Variants in PHF21B observed in about 807,000 individuals in gnomAD.
PHF21B encodes PHD finger protein 4.
PHF21B carries 22 observed loss-of-function variants against 62.2 expected under a neutral mutation model. The observed-to-expected ratio is 0.35, with a 90% CI of 0.25 to 0.51. The LOEUF is 0.51. Among genes scored for constraint, PHF21B ranks in the 20% least tolerant of loss-of-function variants. The pLI is 0.97. For missense variants in PHF21B, 701 were observed against 707.9 expected, an observed-to-expected ratio of 0.99 and a Z score of 0.11; for synonymous variants, 341 against 314.7, an observed-to-expected ratio of 1.08 and a Z score of -0.88.
intron 2 of PHF21B, among the ~76,000 whole-genome samples, chr22:44,951,028 C>T (rs1373291465): frequency 1.3e-5 from 2 of 152,146 alleles, no homozygotes; most frequent in African/African-American, 4.8e-5. Context: ...AAGCCTGCCG[C>T]CAGACGCAGC....
intron 2 of PHF21B, among the ~76,000 whole-genome samples, chr22:44,982,451 A>C (rs1293979405): frequency 6.6e-6 from 1 of 152,176 alleles, no homozygotes; most frequent in African/African-American, 2.4e-5. Context: ...TCGGAAAGTC[A>C]TCCGATTACC....
At chr22:44,928,055 G>A (rs2071667522) in intron 2 of PHF21B, among the ~76,000 whole-genome samples, 1 of 152,118 alleles carries the variant, frequency 6.6e-6, no homozygotes, top group African/African-American at 2.4e-5. Flanking sequence ...AACCTTCCAG[G>A]GCAAAAGCCA....
chr22:44,971,492 A>C (rs534549205), intron 2 of PHF21B: 1 of 151,876 alleles, frequency 6.6e-6, no homozygotes, highest in African/African-American at 2.4e-5. Flanking sequence ...CCACTCTTGG[A>C]CTTTGGGTGA....
At chr22:44,992,485 G>A (rs1163525627) in intron 2 of PHF21B, among the ~76,000 whole-genome samples, 1 of 152,268 alleles carries the variant, frequency 6.6e-6, no homozygotes, top group Non-Finnish European at 1.5e-5. Flanking sequence ...AAGCACAGCA[G>A]GTGACTGTCA....
chr22:44,947,401 G>A (rs1274389468), intron 2 of PHF21B, among the ~76,000 whole-genome samples: 2 of 152,228 alleles, frequency 1.3e-5, no homozygotes, highest in African/African-American at 2.4e-5. Flanking sequence ...TGCTAACTTA[G>A]GAAGTGCCCG....
chr22:44,975,919 G>A (rs538574511), intron 2 of PHF21B, among the ~76,000 whole-genome samples: 1 of 152,348 alleles, frequency 6.6e-6, no homozygotes, highest in East Asian at 1.9e-4. Flanking sequence ...GTAATTCCCA[G>A]CATTTTGGGA....
chr22:44,894,783 G>A (rs2071027602), intron 6 of PHF21B, among the ~76,000 whole-genome samples: 1 of 152,174 alleles, frequency 6.6e-6, no homozygotes. Flanking sequence ...GTCAGACCCA[G>A]GGGACATAAA....
chr22:44,968,251 C>G (rs1359713481), intron 2 of PHF21B, among the ~76,000 whole-genome samples: 2 of 152,136 alleles, frequency 1.3e-5, no homozygotes, highest in African/African-American at 4.8e-5. Context: ...CGTCTTTATT[C>G]ATTTATTGAA....
intron 2 of PHF21B, among the ~76,000 whole-genome samples, chr22:44,924,281 A>C (rs985850705): frequency 6.6e-6 from 1 of 152,240 alleles, no homozygotes; most frequent in Non-Finnish European, 1.5e-5. Flanking sequence ...GACCAAATCA[A>C]GTGCTGGTGA....
rs114685207 is a variant in PHF21B at position 44,979,753 on chromosome 22, G to A, written c.120+28792C>T. On this transcript the variant is annotated intron_variant, in intron 2 of 12. Coordinates refer to ENST00000313237, the MANE Select transcript of PHF21B (RefSeq NM_138415.5). Reference sequence around the variant, plus strand: ...TTCAAAATGTCTTGTTGTCTTGCTTGTTTTTGTTCATTGAGGTAAAACCAT... The same window carrying A: ...TTCAAAATGTCTTGTTGTCTTGCTTATTTTTGTTCATTGAGGTAAAACCAT... Among the ~76,000 whole-genome samples the A allele has an allele frequency of 9.7e-3, 1,478 of 152,276 alleles. 20 individuals carry two copies. The highest frequency in any genetic ancestry group is 0.034 in the African/African-American group (1,411 of 41,562).
intron 5 of PHF21B, among the ~76,000 whole-genome samples, chr22:44,898,337 CCTT>C (rs2071095769): frequency 1.3e-5 from 2 of 152,108 alleles, no homozygotes; most frequent in South Asian, 4.2e-4. Flanking sequence ...AGGTAACACA[CCTT>C]CTCATCACAT....
At chr22:44,899,613 C>T (rs1332808042) in intron 5 of PHF21B, among the ~76,000 whole-genome samples, 1 of 152,000 alleles carries the variant, frequency 6.6e-6, no homozygotes, top group African/African-American at 2.4e-5. Context: ...TCTCCTTCTC[C>T]TCTTTTCTTC....
intron 2 of PHF21B, among the ~76,000 whole-genome samples, chr22:44,984,424 C>T (rs920557284): frequency 6.6e-6 from 1 of 152,050 alleles, no homozygotes; most frequent in Non-Finnish European, 1.5e-5. Flanking sequence ...CAGGGGATCC[C>T]GAATCTTGTG....
At chr22:44,970,125 C>T (rs957703172) in intron 2 of PHF21B, among the ~76,000 whole-genome samples, 1 of 152,240 alleles carries the variant, frequency 6.6e-6, no homozygotes, top group South Asian at 2.1e-4. Flanking sequence ...GGCCACAGAG[C>T]TGGCTTATCG....
At chr22:44,974,887 T>C (rs2072708382) in intron 2 of PHF21B, among the ~76,000 whole-genome samples, 2 of 152,236 alleles carry the variant, frequency 1.3e-5, no homozygotes, top group African/African-American at 4.8e-5. Flanking sequence ...ATCATATTAA[T>C]ACCACTCAGT....
At position 44,914,024 on chromosome 22, in the gene PHF21B, G is replaced by C. The variant is rs141049002; in HGVS notation, c.629C>G (p.Ser210Cys). 12 of 1,247,570 alleles carry C rather than the reference G, an allele frequency of 9.6e-6. No individual in the cohort carries two copies. The African/African-American group carries it at 1.5e-4, about 16-fold the overall frequency. The allele number at this position is 1,247,570 out of a possible 1,614,324, so 77.3% of individuals were successfully genotyped here. ...TGGGGAGGGAGGGGTGAGGGGAAGA[G>C]AGGAGGGGTGGAGGGGACAGTGATG... The part of the protein sequence containing the change: ...ATHHCPLHPS[S>C]LPLTPPSPSL... Residue 210 changes from serine (S) to cysteine (C), a missense_variant, in exon 5 of 13, where the codon TCT (serine) becomes TGT (cysteine). Transcript: ENST00000313237.
At chr22:44,896,852 T>C (rs1199464989) in intron 5 of PHF21B, among the ~76,000 whole-genome samples, 1 of 150,152 alleles carries the variant, frequency 6.7e-6, no homozygotes, top group African/African-American at 2.4e-5. Context: ...CTGTCACTTA[T>C]GAAACAGGGT....
At chr22:44,966,534 T>C (rs1418058957) in intron 2 of PHF21B, among the ~76,000 whole-genome samples, 1 of 151,276 alleles carries the variant, frequency 6.6e-6, no homozygotes, top group Non-Finnish European at 1.5e-5. Flanking sequence ...CCCCAGGGAG[T>C]CCCTGGGCAG....
rs980920258 is a variant in PHF21B, at chr22:45,009,550, C to G, written c.-1G>C. On this transcript the variant is annotated 5_prime_UTR_variant, in exon 1 of 13. Coordinates refer to ENST00000313237, the MANE Select transcript of PHF21B (RefSeq NM_138415.5). The surrounding 1 kb of genome is among the most constrained non-coding windows in gnomAD (Gnocchi z 5.9). ...CCTCGGGCCGGCTCTGCAGCTCCAT[C>G]CCGGCAACTTGGGCAGCACTTTGCG... 6.4e-7 allele frequency: 1 copy of G among 1,574,228 alleles called. No individual in the cohort carries two copies. The highest frequency in any genetic ancestry group is 1.8e-5 in the Admixed American group (1 of 57,030).
Sources: allele counts gnomAD v4.1 joint callset (sites outside exome capture counted in the v4.1 genomes callset), GRCh38; gene constraint gnomAD v4.1.1; non-coding constraint Gnocchi (gnomAD v3.1); transcripts MANE v1.5; gene names NCBI Gene and HGNC (gene_info 2026-07-23, HGNC 2026-07-21).